The following BRD2 variants were observed in gnomAD, a reference collection of about 807,000 sequenced individuals.
BRD2 encodes the protein bromodomain-containing protein 2.
Under a neutral mutation model 79.1 loss-of-function variants are expected in BRD2, and 15 were observed. The ratio of observed to expected loss-of-function variants is 0.19; its 90% CI spans 0.13 to 0.29. The LOEUF (loss-of-function observed/expected upper bound fraction) is 0.29. Ranked by LOEUF, BRD2 falls within the 10% of genes least tolerant of loss-of-function variation. BRD2 has a pLI of 1.00. For synonymous variants in BRD2, 488 were observed against 358.6 expected (o/e 1.36, Z -4.08); for missense variants, 1,053 against 991.3 (o/e 1.06, Z -0.84).
chr6:32,976,822 T>A lies in BRD2; in HGVS notation c.1086T>A (p.Ser362=). 2.5e-6 allele frequency: 4 copies of A among 1,613,216 alleles called. No homozygotes were observed. Among genetic ancestry groups the A allele is most frequent in the Non-Finnish European group, 3.4e-6 (4 of 1,180,048 alleles). The change falls in exon 7 of 13, where the codon TCT becomes TCA. Residue 362 remains serine, a synonymous_variant. Transcript: ENST00000374825. ...ATGGCATTTTGAAGGAGTTACTCTC[T>A]AAGAAGCATGCTGCCTATGCTTGGC... is the stretch of plus-strand genomic sequence containing the variant. ...HCNGILKELL[S]KKHAAYAWPF...
intron 2 of BRD2, among the ~76,000 whole-genome samples, chr6:32,973,485 T>C (rs1189963204): frequency 6.6e-6 from 1 of 152,092 alleles, no homozygotes; most frequent in African/African-American, 2.4e-5. Flanking sequence ...AGGGATTGTT[T>C]TTTCCTAACA....
intron 2 of BRD2, chr6:32,973,235 G>A: frequency 7.5e-7 from 1 of 1,337,200 alleles, no homozygotes; most frequent in Non-Finnish European, 1.0e-6. Context: ...CAGGTTTGGC[G>A]TTTGGTGGGT....
At position 32,978,406 on chromosome 6, in the gene BRD2, G is replaced by A. The variant is rs748780906; in HGVS notation, c.1841+18G>A. ...GGCACCAAGTGAGTTAGAGTAGGAA[G>A]CAGAGACTAGTTTGGCTATTTCTGT... is the stretch of plus-strand genomic sequence containing the variant. On this transcript the variant is annotated intron_variant, in intron 10 of 12. Transcript: ENST00000374825. 2 of 1,605,800 alleles carry A rather than the reference G, an allele frequency of 1.2e-6. No homozygotes were observed. The highest frequency in any genetic ancestry group is 8.5e-7 in the Non-Finnish European group (1 of 1,176,780).
At chr6:32,970,551 A>G (rs530540321) in intron 1 of BRD2, 5 of 152,318 alleles carry the variant, frequency 3.3e-5, no homozygotes, top group African/African-American at 1.2e-4. Context: ...TTGTTCACCT[A>G]CGTTGATTAT....
In BRD2 at chr6:32,978,328, G is replaced by A; in HGVS notation, c.1781G>A (p.Gly594Glu). Residue 594 changes from glycine to glutamate, a missense_variant, in exon 10 of 13, where the codon GGG (glycine) becomes GAG (glutamate). Gly to Glu is a moderately conservative substitution (Grantham distance 98). Transcript: ENST00000374825. The stretch of plus-strand genomic sequence containing the variant: ...AAGTCCAAGAAAGCAAGTGGCAGTG[G>A]GGGTGGCAGTGCTGCTTTAGGCCCT... ...PKKSKKASGSGGGSAALGPSG... is the reference protein window; with the variant it reads ...PKKSKKASGSEGGSAALGPSG... The A allele has an allele frequency of 6.2e-7, 1 of 1,613,016 alleles. No individual in the cohort carries two copies.
rs1431137853 is a variant in BRD2, at chr6:32,972,097, C to T, written c.-802C>T. The T allele has an allele frequency of 2.9e-6, 2 of 693,328 alleles. No homozygotes were observed. The highest frequency in any genetic ancestry group is 2.7e-5 in the East Asian group (1 of 36,864). The allele number at this position is 693,328 out of a possible 1,614,324, so 42.9% of individuals were successfully genotyped here. A position where few individuals can be genotyped will look rare whatever the true frequency, so the allele number is the denominator to read the frequency against. ...TCACCCGCGTGAGCGAGCGCGCGCG[C>T]GCGGAGGGGGTGGGGAAAAGCTCAA... On this transcript the variant is annotated 5_prime_UTR_variant, in exon 2 of 13. Transcript: ENST00000374825.
At chr6:32,975,087 C>G in intron 3 of BRD2, 1 of 1,512,296 alleles carries the variant, frequency 6.6e-7, no homozygotes, top group Non-Finnish European at 8.8e-7. Flanking sequence ...TTCCCTCATG[C>G]AGCCCATGGA....
rs554070388 is a variant in BRD2 at position 32,972,636 on chromosome 6, T to A, written c.-263T>A. On this transcript the variant is annotated 5_prime_UTR_variant, in exon 2 of 13. Transcript: ENST00000374825. The stretch of plus-strand genomic sequence containing the variant: ...GACCGTCTTTTGAAGAGTCAGTCCC[T>A]CCTTAGTTGCCCGCCTCAGCTGAGG... The A allele has an allele frequency of 5.0e-6, 3 of 596,074 alleles. No individual in the cohort carries two copies. In the African/African-American group the frequency reaches 5.6e-5, roughly 11 times the overall value. 36.9% of individuals were successfully genotyped at this position (596,074 alleles called of 1,614,324 possible). A position where few individuals can be genotyped will look rare whatever the true frequency, so the allele number is the denominator to read the frequency against.
rs1487333692 is a variant in BRD2, at chr6:32,979,895, G to A, written c.1909G>A (p.Glu637Lys). ...LPTGYDSEEE[E>K]ESRPMSYDEK... Reference sequence around the variant, plus strand: ...TACAGGTTATGATTCAGAGGAGGAGGAAGAGAGCAGGCCCATGAGTTACGA... The same window carrying A: ...TACAGGTTATGATTCAGAGGAGGAGAAAGAGAGCAGGCCCATGAGTTACGA... The change falls in exon 11 of 13, where the codon GAA (glutamate) becomes AAA (lysine). Residue 637 changes from glutamate to lysine, a missense_variant. By Grantham distance (56) the Glu-to-Lys change is moderately conservative (BLOSUM62 1). Around this residue, in one of 5 missense-constraint regions of BRD2, gnomAD observed 44 missense variants for 73.7 expected, o/e 0.60. Transcript: ENST00000374825. 4 of 1,613,050 alleles carry A rather than the reference G, an allele frequency of 2.5e-6. No homozygotes were observed. Among genetic ancestry groups the A allele is most frequent in the Non-Finnish European group, 3.4e-6 (4 of 1,180,022 alleles).
rs199590043 is a variant in BRD2 at position 32,974,624 on chromosome 6, G to C, written c.192G>C (p.Pro64=). 5.6e-6 allele frequency: 9 copies of C among 1,614,178 alleles called. No individual in the cohort carries two copies. In the East Asian group the frequency reaches 1.1e-4, roughly 20 times the overall value. Residue 64 remains proline (P), a synonymous_variant, in exon 3 of 13, where the codon CCG becomes CCC. Transcript: ENST00000374825. The part of the protein sequence containing the change: ...LQLTPANPPP[P]EVSNPKKPGR... ...TTACCCCTGCCAACCCACCACCCCC[G>C]GAGGTGTCCAATCCCAAAAAGCCAG... is the stretch of plus-strand genomic sequence containing the variant.
Position 32,968,971 on chromosome 6 carries a change from T to TGG in BRD2, c.-1382_-1381dup. On this transcript the variant is annotated 5_prime_UTR_variant, in exon 1 of 13. The change creates a premature stop within an existing upstream ORF in the 5' untranslated region. Coordinates refer to ENST00000374825, the MANE Select transcript of BRD2 (RefSeq NM_005104.4). ...CCTCCCCCAGCACGGCTTCGTTTTC[T>TGG]GGGGGGGGGTTGACACCCCGGATTA... The TGG allele has an allele frequency of 5.5e-6, 1 of 180,560 alleles. No individual in the cohort carries two copies. Among genetic ancestry groups the TGG allele is most frequent in the Non-Finnish European group, 1.2e-5 (1 of 86,096 alleles). The allele number at this position is 180,560 out of a possible 1,614,324, so 11.2% of individuals were successfully genotyped here. A position where few individuals can be genotyped will look rare whatever the true frequency, so the allele number is the denominator to read the frequency against.
At chr6:32,975,251 A>G in intron 3 of BRD2, 133 bp from the exon 4 acceptor site, 1 of 1,091,980 alleles carries the variant, frequency 9.2e-7, no homozygotes, top group Non-Finnish European at 1.3e-6. Context: ...TTGGGGCCGC[A>G]GTTTAAGTAA....
rs747022079 is a variant in BRD2 at position 32,972,069 on chromosome 6, T to G, written c.-830T>G. ...GTGTTCCTTCCCCTTCGACTCAGCT[T>G]CTTCACCCGCGTGAGCGAGCGCGCG... is the stretch of plus-strand genomic sequence containing the variant. On this transcript the variant is annotated 5_prime_UTR_variant, in exon 2 of 13. Transcript: ENST00000374825. 2.1e-5 allele frequency: 15 copies of G among 698,184 alleles called. No individual in the cohort carries two copies. The highest frequency in any genetic ancestry group is 4.5e-5 in the South Asian group (3 of 66,614). The allele number at this position is 698,184 out of a possible 1,614,324, so 43.2% of individuals were successfully genotyped here.
chr6:32,977,983 G>A lies in BRD2; in HGVS notation c.1556G>A (p.Arg519His), dbSNP rs982026329. 3 of 1,610,866 alleles carry A rather than the reference G, an allele frequency of 1.9e-6. No homozygotes were observed. The highest frequency in any genetic ancestry group is 2.5e-6 in the Non-Finnish European group (3 of 1,180,004). ...GACTCAGAGGAAGAAAGGGCTCATCGCTTAGCAGAACTACAGGAACAGGTA... is the reference window on the plus strand; with the variant it reads ...GACTCAGAGGAAGAAAGGGCTCATCACTTAGCAGAACTACAGGAACAGGTA... ...SSDSEEERAH[R>H]LAELQEQLRA... Residue 519 changes from arginine to histidine, a missense_variant, in exon 9 of 13, where the codon CGC (arginine) becomes CAC (histidine). This residue lies in a region of BRD2 where 454 missense variants were observed against 430.5 expected (regional missense o/e 1.05). Transcript: ENST00000374825.
rs1282531157 is a variant in BRD2 at position 32,980,823 on chromosome 6, C to CCT, written c.*106_*107insTC. 4.6e-5 allele frequency: 59 copies of CCT among 1,282,648 alleles called. No homozygotes were observed. The highest frequency in any genetic ancestry group is 6.4e-5 in the Non-Finnish European group (59 of 926,864). The allele number at this position is 1,282,648 out of a possible 1,614,324, so 79.5% of individuals were successfully genotyped here. A position where few individuals can be genotyped will look rare whatever the true frequency, so the allele number is the denominator to read the frequency against. On this transcript the variant is annotated 3_prime_UTR_variant, in exon 13 of 13. Coordinates refer to ENST00000374825, the MANE Select transcript of BRD2 (RefSeq NM_005104.4). ...TTGCTGTGACACTTCTTCATCTCAC[C>CCT]CCCCCCCGCCCCCCTCTAGGAGAGC...
Position 32,979,985 on chromosome 6 carries a change from C to T in BRD2, c.1999C>T (p.His667Tyr), listed in dbSNP as rs1779313093. Residue 667 changes from histidine (H) to tyrosine (Y), a missense_variant, in exon 11 of 13, where the codon CAT becomes TAT. This residue lies in a region of BRD2 where 44 missense variants were observed against 73.7 expected (regional missense o/e 0.60). Transcript: ENST00000374825. ...TGGGGAGAAGCTGGGCCGAGTTGTGCATATAATCCAAGCCAGGGAGCCCTC... is the reference window on the plus strand; with the variant it reads ...TGGGGAGAAGCTGGGCCGAGTTGTGTATATAATCCAAGCCAGGGAGCCCTC... ...LPGEKLGRVVHIIQAREPSLR... is the reference protein window; with the variant it reads ...LPGEKLGRVVYIIQAREPSLR... The T allele has an allele frequency of 1.9e-6, 3 of 1,613,028 alleles. No homozygotes were observed. Among genetic ancestry groups the T allele is most frequent in the Admixed American group, 1.7e-5 (1 of 60,008 alleles).
In BRD2 at chr6:32,976,433, C is replaced by G; in HGVS notation, c.794C>G (p.Thr265Ser). ...GCTGGACCCCCGCTCCTTGCTGTTA[C>G]TGCAGCTCCTCCAGCCCAGCCCCTT... is the stretch of plus-strand genomic sequence containing the variant. ...HSAGPPLLAV[T>S]AAPPAQPLAK... Residue 265 changes from threonine to serine, a missense_variant, in exon 6 of 13, where the codon ACT becomes AGT. Around this residue, in one of 5 missense-constraint regions of BRD2, gnomAD observed 413 missense variants for 335.1 expected, o/e 1.23. Coordinates refer to ENST00000374825, the MANE Select transcript of BRD2 (RefSeq NM_005104.4). The G allele has an allele frequency of 6.2e-7, 1 of 1,611,602 alleles. No homozygotes were observed. The highest frequency in any genetic ancestry group is 8.5e-7 in the Non-Finnish European group (1 of 1,180,026).
chr6:32,976,127 A>G lies in BRD2; in HGVS notation c.568A>G (p.Thr190Ala). 3 of 1,612,952 alleles carry G rather than the reference A, an allele frequency of 1.9e-6. No individual in the cohort carries two copies. The highest frequency in any genetic ancestry group is 2.2e-5 in the East Asian group (1 of 44,896). ...MPQEEQELVV[T>A]IPKNSHKKGA... ...ACAAGAAGAACAAGAGCTGGTAGTGACCATCCCTAAGAACAGCCACAAGAA... is the reference window on the plus strand; with the variant it reads ...ACAAGAAGAACAAGAGCTGGTAGTGGCCATCCCTAAGAACAGCCACAAGAA... Residue 190 changes from threonine to alanine, a missense_variant, in exon 5 of 13, where the codon ACC becomes GCC. This residue lies in a region of BRD2 where 413 missense variants were observed against 335.1 expected (regional missense o/e 1.23). Coordinates refer to ENST00000374825, the MANE Select transcript of BRD2 (RefSeq NM_005104.4).
intron 11 of BRD2, 88 bp downstream of exon 11, chr6:32,980,220 C>A: frequency 6.4e-7 from 1 of 1,574,604 alleles, no homozygotes; most frequent in Non-Finnish European, 8.6e-7. Context: ...TTGTCAGCTC[C>A]CAGGATAATG....
Sources: gnomAD v4.1 joint callset for allele counts (sites outside exome capture counted in the v4.1 genomes callset) on GRCh38, gnomAD v4.1.1 for gene constraint, gnomAD v4.1.1 regional missense constraint, MANE v1.5 for transcripts, NCBI Gene and HGNC (gene_info 2026-07-23, HGNC 2026-07-21) for gene names.